C18orf63: variants seen among roughly 807,000 people sequenced by gnomAD.
C18orf63 encodes chromosome 18 open reading frame 63.
C18orf63 carries 50 observed loss-of-function variants against 75.3 expected under a neutral mutation model. That is an observed-to-expected ratio of 0.66 (90% CI 0.53 to 0.84). The LOEUF (loss-of-function observed/expected upper bound fraction) is 0.84. Among genes scored for constraint, C18orf63 ranks in the 40% least tolerant of loss-of-function variants. C18orf63 has a pLI of 0.00. For missense variants in C18orf63, 732 were observed against 800.2 expected (o/e 0.91, Z 1.03); for synonymous variants, 232 against 267.6 (o/e 0.87, Z 1.30).
At chr18:74,333,502 G>A (rs1984342495) in intron 7 of C18orf63, among the ~76,000 whole-genome samples, 1 of 152,178 alleles carries the variant, frequency 6.6e-6, no homozygotes, top group African/African-American at 2.4e-5. Flanking sequence ...TGGTGGAAGG[G>A]GAAGCAAGCA....
intron 11 of C18orf63, 92 bp downstream of exon 11, chr18:74,343,794 G>A (rs999749030): frequency 6.1e-6 from 4 of 657,054 alleles, no homozygotes; most frequent in South Asian, 6.6e-5. Context: ...AACACCCAAC[G>A]CAGTGTGCAG....
intron 11 of C18orf63, among the ~76,000 whole-genome samples, chr18:74,350,352 G>A (rs1984646661): frequency 1.3e-5 from 2 of 152,110 alleles, no homozygotes; most frequent in Admixed American, 1.3e-4. Flanking sequence ...TCCTTAGGAT[G>A]TGACCTTATT....
At chr18:74,330,770 G>T in intron 6 of C18orf63, 96 bp from the exon 7 acceptor site, 2 of 509,856 alleles carry the variant, frequency 3.9e-6, no homozygotes, top group South Asian at 3.1e-5. Flanking sequence ...TCTTGTTTTT[G>T]ACTTGAATAA....
chr18:74,324,282 T>G (rs1471949884), intron 4 of C18orf63, among the ~76,000 whole-genome samples: 2 of 152,248 alleles, frequency 1.3e-5, no homozygotes, highest in African/African-American at 2.4e-5. Flanking sequence ...CTACTACCAC[T>G]GTCATTCACT....
Position 74,357,475 on chromosome 18 carries a change from TTA to T in C18orf63, c.*1032_*1033del, listed in dbSNP as rs1459136811. 3 of 152,230 alleles carry T rather than the reference TTA, an allele frequency of 2.0e-5. No homozygotes were observed. Among genetic ancestry groups the T allele is most frequent in the Non-Finnish European group, 4.4e-5 (3 of 68,036 alleles). The allele number at this position is 152,230 out of a possible 1,614,324, so 9.4% of individuals were successfully genotyped here. ...AATATTATTCTGGCTTTCAAACATTTTATATGTTTGATATACGAAATATTATA... is the reference window on the plus strand; with the variant it reads ...AATATTATTCTGGCTTTCAAACATTTTATGTTTGATATACGAAATATTATA... On this transcript the variant is annotated 3_prime_UTR_variant, in exon 14 of 14. Transcript: ENST00000579455.
At position 74,320,533 on chromosome 18, in the gene C18orf63, A is replaced by G; in HGVS notation, c.155A>G (p.Gln52Arg). The change falls in exon 3 of 14, where the codon CAA (glutamine) becomes CGA (arginine). Residue 52 changes from glutamine to arginine, a missense_variant. Coordinates refer to ENST00000579455, the MANE Select transcript of C18orf63 (RefSeq NM_001174123.2). ...KMCRQLLFLH[Q>R]DILTSPVSGI... ...CACAGGCAATTGCTGTTTTTGCATC[A>G]AGATATTCTTACATCACCTGTGTCT... 2 of 1,534,304 alleles carry G rather than the reference A, an allele frequency of 1.3e-6. No individual in the cohort carries two copies. Among genetic ancestry groups the G allele is most frequent in the Non-Finnish European group, 1.7e-6 (2 of 1,145,854 alleles).
In C18orf63 at chr18:74,354,019, C is replaced by CCATG. The variant is rs1159483343; in HGVS notation, c.1753_1756dup (p.Gly586AlafsTer14). The stretch of plus-strand genomic sequence containing the variant: ...GTATAACACAAATTTTAGGGAAAAG[C>CCATG]CATGGGTCACTAAAACTGAAAAGAC... On this transcript the variant is annotated frameshift_variant, in exon 12 of 14. Transcript: ENST00000579455. LOFTEE classifies it high-confidence loss of function. The CCATG allele has an allele frequency of 6.5e-7, 1 of 1,536,332 alleles. No individual in the cohort carries two copies. Among genetic ancestry groups the CCATG allele is most frequent in the Non-Finnish European group, 8.7e-7 (1 of 1,146,922 alleles).
intron 11 of C18orf63, among the ~76,000 whole-genome samples, chr18:74,347,726 A>T (rs1243792583): frequency 6.6e-6 from 1 of 152,212 alleles, no homozygotes; most frequent in Admixed American, 6.5e-5. Context: ...ATGGAAAATA[A>T]ATTGATCAGA....
intron 4 of C18orf63, among the ~76,000 whole-genome samples, chr18:74,323,922 G>C (rs1427364455): frequency 6.6e-6 from 1 of 152,192 alleles, no homozygotes; most frequent in Non-Finnish European, 1.5e-5. Flanking sequence ...CCCAGGCTGA[G>C]TAAGTGTGGG....
At chr18:74,348,049 A>G (rs755461539) in intron 11 of C18orf63, among the ~76,000 whole-genome samples, 2 of 152,182 alleles carry the variant, frequency 1.3e-5, no homozygotes, top group Non-Finnish European at 2.9e-5. Flanking sequence ...CTTAATATCT[A>G]TTAAGTACTA....
intron 7 of C18orf63, among the ~76,000 whole-genome samples, chr18:74,334,294 G>A (rs1984356124): frequency 6.6e-6 from 1 of 151,680 alleles, no homozygotes; most frequent in African/African-American, 2.4e-5. Context: ...AGTATTTAAA[G>A]GGGAAAGAAC....
chr18:74,351,408 G>A (rs1191897999), intron 11 of C18orf63, among the ~76,000 whole-genome samples: 1 of 152,158 alleles, frequency 6.6e-6, no homozygotes, highest in Non-Finnish European at 1.5e-5. Context: ...CCTGAGGCTA[G>A]GTCTTTAGGA....
chr18:74,355,811 T>A (rs1489289446), intron 13 of C18orf63, among the ~76,000 whole-genome samples: 1 of 152,134 alleles, frequency 6.6e-6, no homozygotes, highest in Non-Finnish European at 1.5e-5. Context: ...GGCAGAAGAA[T>A]CACTTGAACC....
intron 3 of C18orf63, among the ~76,000 whole-genome samples, chr18:74,321,879 A>G (rs939119130): frequency 1.3e-5 from 2 of 152,178 alleles, no homozygotes; most frequent in African/African-American, 4.8e-5. Context: ...TTACATACAT[A>G]CTATTTTGAA....
intron 7 of C18orf63, among the ~76,000 whole-genome samples, chr18:74,338,416 C>A (rs1302627647): frequency 6.6e-6 from 1 of 151,870 alleles, no homozygotes; most frequent in African/African-American, 2.4e-5. Flanking sequence ...CAACTTCCTG[C>A]AAATTAACAT....
intron 7 of C18orf63, among the ~76,000 whole-genome samples, chr18:74,335,470 C>A (rs1447185585): frequency 6.6e-6 from 1 of 151,922 alleles, no homozygotes; most frequent in Non-Finnish European, 1.5e-5. Flanking sequence ...TTGGACTGTG[C>A]TAAACTTTAA....
Position 74,353,335 on chromosome 18 carries a change from T to C in C18orf63, c.1068T>C (p.Ala356=), listed in dbSNP as rs1568240997. The change falls in exon 12 of 14, where the codon GCT becomes GCC. Residue 356 remains alanine, a synonymous_variant. Coordinates refer to ENST00000579455, the MANE Select transcript of C18orf63 (RefSeq NM_001174123.2). ...CCACTTCCAGAAAGCCTGCCTGTGC[T>C]CAAAGTCTTCTACCATGTTCAGTAG... is the stretch of plus-strand genomic sequence containing the variant. The part of the protein sequence containing the change: ...TQATSRKPAC[A]QSLLPCSVAV... The C allele has an allele frequency of 1.3e-6, 2 of 1,536,540 alleles. No homozygotes were observed. Among genetic ancestry groups the C allele is most frequent in the Non-Finnish European group, 1.7e-6 (2 of 1,146,992 alleles).
rs1042867687 is a variant in C18orf63, at chr18:74,342,084, C to G, written c.664C>G (p.Pro222Ala). 4 of 1,528,866 alleles carry G rather than the reference C, an allele frequency of 2.6e-6. No individual in the cohort carries two copies. The highest frequency in any genetic ancestry group is 3.5e-6 in the Non-Finnish European group (4 of 1,140,954). The allele number at this position is 1,528,866 out of a possible 1,614,324, so 94.7% of individuals were successfully genotyped here. Residue 222 changes from proline to alanine, a missense_variant, in exon 9 of 14, where the codon CCT becomes GCT. By Grantham distance (27) the Pro-to-Ala change is conservative. Around this residue, in one of 3 missense-constraint regions of C18orf63, gnomAD observed 233 missense variants for 272.7 expected, o/e 0.85. Coordinates refer to ENST00000579455, the MANE Select transcript of C18orf63 (RefSeq NM_001174123.2). ...NIFHAIPAACPFHSYGDFQRH... is the reference protein window; with the variant it reads ...NIFHAIPAACAFHSYGDFQRH... ...TTTTCATGCCATCCCCGCTGCCTGTCCTTTTCACTCATATGGAGATTTCCA... is the reference window on the plus strand; with the variant it reads ...TTTTCATGCCATCCCCGCTGCCTGTGCTTTTCACTCATATGGAGATTTCCA...
intron 4 of C18orf63, among the ~76,000 whole-genome samples, chr18:74,324,557 A>G (rs1984176996): frequency 6.6e-6 from 1 of 152,234 alleles, no homozygotes; most frequent in Admixed American, 6.5e-5. Context: ...GTAAGAACTT[A>G]TCAATGACAT....
Sources: allele counts gnomAD v4.1 joint callset (sites outside exome capture counted in the v4.1 genomes callset), GRCh38; gene constraint gnomAD v4.1.1; regional missense constraint gnomAD v4.1.1; transcripts MANE v1.5; gene names NCBI Gene and HGNC (gene_info 2026-07-23, HGNC 2026-07-21).